Variants in ITGA4 observed in about 807,000 individuals in gnomAD.
ITGA4 encodes the protein integrin alpha-4.
In ITGA4, 63 loss-of-function variants were observed where a neutral mutation model predicts 133.6. The ratio of observed to expected loss-of-function variants is 0.47; its 90% confidence interval spans 0.38 to 0.58. The LOEUF is 0.58. Among genes scored for constraint, ITGA4 ranks in the 20% least tolerant of loss-of-function variants. ITGA4 has a pLI of 0.00. For missense variants in ITGA4, 1,076 were observed against 1,252.7 expected (o/e 0.86, Z 2.13); for synonymous variants, 483 against 438.0 (o/e 1.10, Z -1.28).
intron 10 of ITGA4, among the ~76,000 whole-genome samples, chr2:181,488,850 A>G (rs191714785): frequency 3.3e-4 from 49 of 150,724 alleles, no homozygotes; most frequent in South Asian, 4.2e-4. Context: ...GAGCCACTGC[A>G]CCCAGCCCTC....
intron 14 of ITGA4, 122 bp downstream of exon 14, chr2:181,496,059 G>A: frequency 3.3e-6 from 3 of 900,086 alleles, no homozygotes; most frequent in Non-Finnish European, 5.2e-6. Flanking sequence ...GGGGAGAGAA[G>A]CTACCTGATG....
intron 2 of ITGA4, among the ~76,000 whole-genome samples, chr2:181,472,115 T>A (rs1300731025): frequency 6.6e-6 from 1 of 152,166 alleles, no homozygotes; most frequent in Non-Finnish European, 1.5e-5. Context: ...TGGGCAGTGA[T>A]GACATTGTGA....
intron 2 of ITGA4, among the ~76,000 whole-genome samples, chr2:181,467,828 G>A (rs2105718305): frequency 6.6e-6 from 1 of 152,182 alleles, no homozygotes; most frequent in East Asian, 1.9e-4. Context: ...TACGGATTTG[G>A]GCAAGTTATT....
At chr2:181,475,435 T>C in intron 4 of ITGA4, 147 bp downstream of exon 4, 1 of 679,586 alleles carries the variant, frequency 1.5e-6, no homozygotes, top group Non-Finnish European at 2.4e-6. Flanking sequence ...ATTTCTTTCT[T>C]TACCCAATTG....
rs1687059340 is a variant in ITGA4 at position 181,535,798 on chromosome 2, T to C, written c.*271T>C. ...AAGCATTCAATTTATTCAAGAAAAG[T>C]AAGCCCTTGAAGATATCTTGAAATG... On this transcript the variant is annotated 3_prime_UTR_variant, in exon 28 of 28. Coordinates refer to ENST00000397033, the MANE Select transcript of ITGA4 (RefSeq NM_000885.6). The C allele has an allele frequency of 3.9e-6, 1 of 258,090 alleles. No individual in the cohort carries two copies. Among genetic ancestry groups the C allele is most frequent in the Non-Finnish European group, 7.4e-6 (1 of 134,924 alleles). 16.0% of individuals were successfully genotyped at this position (258,090 alleles called of 1,614,324 possible).
At chr2:181,494,438 C>T (rs149724) in intron 11 of ITGA4, among the ~76,000 whole-genome samples, 152,015 of 152,290 alleles carry the variant, frequency 1, 75,874 homozygotes, top group Middle Eastern at 1. Flanking sequence ...GAGACCCCCA[C>T]CTCTAAAAGA....
chr2:181,500,021 G>GT (rs1469918542), intron 15 of ITGA4, among the ~76,000 whole-genome samples: 1 of 152,154 alleles, frequency 6.6e-6, no homozygotes, highest in Non-Finnish European at 1.5e-5. Context: ...ATTAGCAGAG[G>GT]TAAGTGTTGT....
At chr2:181,468,904 G>A (rs902984523) in intron 2 of ITGA4, among the ~76,000 whole-genome samples, 1 of 152,108 alleles carries the variant, frequency 6.6e-6, no homozygotes, top group Admixed American at 6.5e-5. Context: ...TTGTTTAAAA[G>A]CAGGGAAAAT....
intron 6 of ITGA4, among the ~76,000 whole-genome samples, chr2:181,480,530 T>C (rs1361672022): frequency 6.6e-6 from 1 of 152,146 alleles, no homozygotes; most frequent in East Asian, 1.9e-4. Flanking sequence ...TGTAGTTCAC[T>C]TTAGGAAACA....
intron 7 of ITGA4, 41 bp downstream of exon 7, chr2:181,481,724 C>A: frequency 2.1e-6 from 2 of 964,602 alleles, no homozygotes; most frequent in Non-Finnish European, 3.2e-6. Context: ...CACAAAGGTT[C>A]AAATATATTG....
chr2:181,522,341 G>A lies in ITGA4; in HGVS notation c.2073G>A (p.Leu691=). ...VGLYFIKILE[L]EEKQINCEVT... is the part of the protein sequence containing the mutation. Reference sequence around the variant, plus strand: ...TTTATTTCATTAAGATTTTAGAGCTGGTAAGTACTGTAAACCACAATAGCA... The same window carrying A: ...TTTATTTCATTAAGATTTTAGAGCTAGTAAGTACTGTAAACCACAATAGCA... The change falls in exon 18 of 28, where the codon CTG becomes CTA. Residue 691 remains leucine (L), a splice_region_variant and synonymous_variant. Coordinates refer to ENST00000397033, the MANE Select transcript of ITGA4 (RefSeq NM_000885.6). The A allele has an allele frequency of 6.3e-7, 1 of 1,594,182 alleles. No homozygotes were observed. Among genetic ancestry groups the A allele is most frequent in the Non-Finnish European group, 8.5e-7 (1 of 1,169,938 alleles).
At position 181,502,539 on chromosome 2, in the gene ITGA4, A is replaced by G. The variant is rs1402811754; in HGVS notation, c.1695+3762A>G. Among the ~76,000 whole-genome samples the G allele has an allele frequency of 5.3e-5, 8 of 152,252 alleles. No homozygotes were observed. In the East Asian group the frequency reaches 1.5e-3, roughly 29 times the overall value. Reference sequence around the variant, plus strand: ...GGGTTGGTTCTAGATAGGCATGTGCATGATTCATCTGAGTATGTGCTTGCA... The same window carrying G: ...GGGTTGGTTCTAGATAGGCATGTGCGTGATTCATCTGAGTATGTGCTTGCA... On this transcript the variant is annotated intron_variant, in intron 15 of 27. Transcript: ENST00000397033.
rs139960499 is a variant in ITGA4 at position 181,495,718 on chromosome 2, C to A, written c.1386-65C>A. On this transcript the variant is annotated intron_variant, in intron 13 of 27. Coordinates refer to ENST00000397033, the MANE Select transcript of ITGA4 (RefSeq NM_000885.6). This position sits in a 1 kb window ranked among gnomAD's most constrained non-coding sequence, Gnocchi z 4.3. ...GGTGAATGTAAACTGAAAAAACAAA[C>A]GCATTTCTCTCCTTAAGGAAAAATA... 7.1e-7 allele frequency: 1 copy of A among 1,404,696 alleles called. No homozygotes were observed. Among genetic ancestry groups the A allele is most frequent in the African/African-American group, 1.4e-5 (1 of 70,024 alleles). The allele number at this position is 1,404,696 out of a possible 1,614,324, so 87.0% of individuals were successfully genotyped here.
At chr2:181,461,643 A>G (rs995355834) in intron 2 of ITGA4, among the ~76,000 whole-genome samples, 1 of 152,152 alleles carries the variant, frequency 6.6e-6, no homozygotes, top group Non-Finnish European at 1.5e-5. Context: ...AACATAATAA[A>G]ACATAGAAAT....
chr2:181,462,464 A>G (rs915676455), intron 2 of ITGA4, among the ~76,000 whole-genome samples: 1 of 152,226 alleles, frequency 6.6e-6, no homozygotes, highest in Admixed American at 6.5e-5. Context: ...TTAGCTTAAC[A>G]TTAAATAGCA....
At chr2:181,517,143 A>C (rs1286062051) in intron 17 of ITGA4, among the ~76,000 whole-genome samples, 1 of 152,064 alleles carries the variant, frequency 6.6e-6, no homozygotes, top group African/African-American at 2.4e-5. Flanking sequence ...AAAAAGATAA[A>C]AATTGTACTT....
In ITGA4 at chr2:181,519,541, T is replaced by TG. The variant is rs143661226; in HGVS notation, c.1923-2644dup. Among the ~76,000 whole-genome samples the TG allele has an allele frequency of 3.9e-4, 60 of 152,200 alleles. 1 individual carries two copies. The East Asian group carries it at 0.012, about 29-fold the overall frequency. ...AGAAGTTACATTAGAGTTATAAAAG[T>TG]GGGGGGAAATATCCAAAATTATTTT... On this transcript the variant is annotated intron_variant, in intron 17 of 27. Transcript: ENST00000397033.
intron 15 of ITGA4, among the ~76,000 whole-genome samples, chr2:181,504,325 T>A (rs1686346440): frequency 6.6e-6 from 1 of 152,106 alleles, no homozygotes; most frequent in African/African-American, 2.4e-5. Context: ...TGTGGGTTTA[T>A]TTTGTTATGT....
At chr2:181,482,462 C>T (rs200100994) in intron 8 of ITGA4, 40 bp downstream of exon 8, 19 of 1,613,054 alleles carry the variant, frequency 1.2e-5, no homozygotes, top group East Asian at 2.2e-5. Context: ...TGGGCTTTTG[C>T]GAGTAACCCT....
Sources: allele counts gnomAD v4.1 joint callset (sites outside exome capture counted in the v4.1 genomes callset), GRCh38; gene constraint gnomAD v4.1.1; non-coding constraint Gnocchi (gnomAD v3.1); transcripts MANE v1.5; gene names NCBI Gene and HGNC (gene_info 2026-07-23, HGNC 2026-07-21).